Variants in CARMIL1 observed in about 807,000 individuals in gnomAD.
The protein encoded by CARMIL1 is capping protein regulator and myosin 1 linker 1, also known as F-actin-uncapping protein LRRC16A.
Under a neutral mutation model 177.1 loss-of-function variants are expected in CARMIL1, and 90 were observed. The ratio of observed to expected loss-of-function variants is 0.51; its 90% CI spans 0.43 to 0.61. The LOEUF (loss-of-function observed/expected upper bound fraction) is 0.61, where lower values mean the gene tolerates loss of function less well. CARMIL1 is among the 20% of genes least tolerant of loss of function. The pLI, the probability that CARMIL1 is intolerant of heterozygous loss-of-function variation, is 0.00. For missense variants in CARMIL1, 1,380 were observed against 1,667.0 expected (o/e 0.83, Z 3.00); for synonymous variants, 577 against 606.2 (o/e 0.95, Z 0.71).
At chr6:25,511,189 A>G (rs1805421978) in intron 20 of CARMIL1, among the ~76,000 whole-genome samples, 1 of 152,228 alleles carries the variant, frequency 6.6e-6, no homozygotes, top group South Asian at 2.1e-4. Context: ...ATAGGGGACC[A>G]AGGAAGTTTT....
At chr6:25,368,738 A>T (rs983149553) in intron 2 of CARMIL1, among the ~76,000 whole-genome samples, 1 of 152,086 alleles carries the variant, frequency 6.6e-6, no homozygotes, top group African/African-American at 2.4e-5. Context: ...AAATATTTAG[A>T]TGTGGAATTA....
At chr6:25,568,620 C>T (rs1199451961) in intron 29 of CARMIL1, among the ~76,000 whole-genome samples, 1 of 152,186 alleles carries the variant, frequency 6.6e-6, no homozygotes, top group Admixed American at 6.5e-5. Context: ...TCCACCTCAG[C>T]CCTTGAGCCA....
chr6:25,280,731 A>G (rs943952127), intron 1 of CARMIL1, among the ~76,000 whole-genome samples: 1 of 152,074 alleles, frequency 6.6e-6, no homozygotes, highest in Non-Finnish European at 1.5e-5. Context: ...ATATGTGTGT[A>G]GCATGTTATA....
chr6:25,489,851 A>G (rs183220616), intron 13 of CARMIL1, among the ~76,000 whole-genome samples: 2 of 152,158 alleles, frequency 1.3e-5, no homozygotes, highest in African/African-American at 4.8e-5. Context: ...CAGTTCATAA[A>G]TCTGCTCCCC....
At chr6:25,529,502 T>A (rs1378409740) in intron 24 of CARMIL1, among the ~76,000 whole-genome samples, 1 of 152,126 alleles carries the variant, frequency 6.6e-6, no homozygotes, top group East Asian at 1.9e-4. Flanking sequence ...CACAAGATAT[T>A]TGAGGAAAAC....
chr6:25,485,537 C>T (rs578041367), intron 12 of CARMIL1, among the ~76,000 whole-genome samples: 3 of 152,292 alleles, frequency 2.0e-5, no homozygotes, highest in East Asian at 1.9e-4. Context: ...AGGGTTCAAG[C>T]GATTCTCTTG....
At chr6:25,524,913 T>C (rs1036336004) in intron 23 of CARMIL1, among the ~76,000 whole-genome samples, 9 of 152,162 alleles carry the variant, frequency 5.9e-5, no homozygotes, top group African/African-American at 2.2e-4. Context: ...GATTCTTCAA[T>C]AGAAACTTCC....
At chr6:25,586,170 C>T (rs979419127) in intron 31 of CARMIL1, among the ~76,000 whole-genome samples, 13 of 146,854 alleles carry the variant, frequency 8.9e-5, no homozygotes, top group East Asian at 4.0e-4. Context: ...GGGCGGCTGC[C>T]GGGCAGAGAC....
At chr6:25,531,238 T>C (rs896153609) in intron 24 of CARMIL1, among the ~76,000 whole-genome samples, 1 of 152,188 alleles carries the variant, frequency 6.6e-6, no homozygotes, top group Non-Finnish European at 1.5e-5. Flanking sequence ...AATTGACTAG[T>C]AGGGAAATTT....
chr6:25,596,079 T>C (rs1814810485), intron 32 of CARMIL1, among the ~76,000 whole-genome samples: 1 of 152,222 alleles, frequency 6.6e-6, no homozygotes, highest in Non-Finnish European at 1.5e-5. Context: ...ACTGTACATA[T>C]TGTTATACCC....
At chr6:25,543,461 C>T (rs1809113357) in intron 26 of CARMIL1, among the ~76,000 whole-genome samples, 2 of 152,244 alleles carry the variant, frequency 1.3e-5, no homozygotes, top group East Asian at 1.9e-4. Context: ...AGAATGACAA[C>T]ACTCCCCTGT....
intron 24 of CARMIL1, among the ~76,000 whole-genome samples, chr6:25,532,854 A>T (rs1473556707): frequency 6.6e-6 from 1 of 152,242 alleles, no homozygotes; most frequent in Non-Finnish European, 1.5e-5. Flanking sequence ...TGGAGCCCAT[A>T]GGATCTCTGT....
rs187390362 is a variant in CARMIL1, at chr6:25,391,733, T to G, written c.139-28381T>G. Among the ~76,000 whole-genome samples, 13 of 152,344 alleles carry G rather than the reference T, an allele frequency of 8.5e-5. No homozygotes were observed. The East Asian group carries it at 1.9e-3, about 23-fold the overall frequency. On this transcript the variant is annotated intron_variant, in intron 2 of 36. Transcript: ENST00000329474. ...CAAAAAAACTGCATATGGCTAGTGG[T>G]GAACATAGCAATACAAGTTCTGCTG...
intron 2 of CARMIL1, among the ~76,000 whole-genome samples, chr6:25,298,281 A>G (rs540266880): frequency 6.6e-6 from 1 of 152,234 alleles, no homozygotes; most frequent in African/African-American, 2.4e-5. Context: ...TATATTTTAT[A>G]TAAATATTTC....
At chr6:25,384,297 G>A (rs1037438415) in intron 2 of CARMIL1, among the ~76,000 whole-genome samples, 5 of 152,334 alleles carry the variant, frequency 3.3e-5, no homozygotes, top group Non-Finnish European at 7.3e-5. Flanking sequence ...GCAACAGCAC[G>A]TTTTGTTGGT....
At chr6:25,451,985 T>TTCCCCCCCCCC in intron 8 of CARMIL1, 4 of 105,380 alleles carry the variant, frequency 3.8e-5, no homozygotes, top group South Asian at 1.7e-4. Context: ...ACTAGCATCT[T>TTCCCCCCCCCC]GCCCCCCCCT....
intron 22 of CARMIL1, among the ~76,000 whole-genome samples, chr6:25,519,940 T>G (rs1806384146): frequency 1.3e-5 from 2 of 152,214 alleles, no homozygotes; most frequent in African/African-American, 4.8e-5. Context: ...GTTCATCTTT[T>G]CAATCCCAGT....
chr6:25,601,263 T>C (rs1815371260), intron 33 of CARMIL1, among the ~76,000 whole-genome samples: 1 of 152,190 alleles, frequency 6.6e-6, no homozygotes, highest in Non-Finnish European at 1.5e-5. Context: ...CACTTTGGCC[T>C]GAGGGTCACA....
intron 2 of CARMIL1, among the ~76,000 whole-genome samples, chr6:25,315,449 A>G (rs567977542): frequency 1.3e-5 from 2 of 152,170 alleles, no homozygotes; most frequent in Non-Finnish European, 2.9e-5. Flanking sequence ...GGTCTACCCT[A>G]AGGGCTCCCT....
Sources: allele counts gnomAD v4.1 joint callset (sites outside exome capture counted in the v4.1 genomes callset), GRCh38; gene constraint gnomAD v4.1.1; transcripts MANE v1.5; gene names NCBI Gene and HGNC (gene_info 2026-07-23, HGNC 2026-07-21).